Variants in SLC25A28 observed in about 807,000 individuals in gnomAD.
SLC25A28 encodes the protein mitoferrin-2.
SLC25A28 carries 10 observed loss-of-function variants against 31.9 expected under a neutral mutation model. The ratio of observed to expected loss-of-function variants is 0.31; its 90% CI spans 0.19 to 0.53. The LOEUF is 0.53. SLC25A28 is among the 20% of genes least tolerant of loss of function. The pLI is 0.95. For missense variants in SLC25A28, 256 were observed against 490.3 expected, an observed-to-expected ratio of 0.52 and a Z score of 4.51; for synonymous variants, 208 against 203.6, an observed-to-expected ratio of 1.02 and a Z score of -0.19.
rs749018771 is a variant in SLC25A28 at position 99,611,116 on chromosome 10, G to A, written c.828C>T (p.Ala276=). The A allele has an allele frequency of 2.2e-5, 35 of 1,614,062 alleles. No individual in the cohort carries two copies. The highest frequency in any genetic ancestry group is 1.6e-4 in the South Asian group (15 of 91,084). The change falls in exon 4 of 4, where the codon GCC becomes GCT. Residue 276 remains alanine, a synonymous_variant. Transcript: ENST00000370495. This position sits in a 1 kb window ranked among gnomAD's most constrained non-coding sequence, Gnocchi z 5.5. ...AAACGTCCAGTGGGGTTGTGGCTGCGGCAGCTACAGCTCCTGCGCAAGCTC... is the reference window on the plus strand; with the variant it reads ...AAACGTCCAGTGGGGTTGTGGCTGCAGCAGCTACAGCTCCTGCGCAAGCTC... ...LSGACAGAVA[A]AATTPLDVCK... is the part of the protein sequence containing the mutation.
Position 99,611,323 on chromosome 10 carries a change from C to T in SLC25A28, c.621G>A (p.Arg207=). 1 of 1,614,056 alleles carries T rather than the reference C, an allele frequency of 6.2e-7. No individual in the cohort carries two copies. Among genetic ancestry groups the T allele is most frequent in the Non-Finnish European group, 8.5e-7 (1 of 1,180,022 alleles). ...RMQMYNSPYH[R]VTDCVRAVWQ... is the part of the protein sequence containing the mutation. ...ACACTGCCCGTACACAGTCTGTCAC[C>T]CGGTGGTATGGTGAGTTGTACATCT... is the stretch of plus-strand genomic sequence containing the variant. The change falls in exon 4 of 4, where the codon CGG becomes CGA. Residue 207 remains arginine, a synonymous_variant. Transcript: ENST00000370495. The surrounding 1 kb of genome is among the most constrained non-coding windows in gnomAD (Gnocchi z 5.5).
chr10:99,651,306 CTAA>C, the SLC25A28 span, among the ~76,000 whole-genome samples: 2 of 152,278 alleles, frequency 1.3e-5, no homozygotes, highest in South Asian at 4.2e-4. Context: ...TTGCATTGCT[CTAA>C]TGACTAATGA....
chr10:99,635,220 A>G, the SLC25A28 span, among the ~76,000 whole-genome samples: 2 of 152,216 alleles, frequency 1.3e-5, no homozygotes, highest in Non-Finnish European at 2.9e-5. Flanking sequence ...CACAGGACCT[A>G]TGAAACAAAA....
At chr10:99,627,079 A>G in the SLC25A28 span, among the ~76,000 whole-genome samples, 1 of 152,092 alleles carries the variant, frequency 6.6e-6, no homozygotes, top group Non-Finnish European at 1.5e-5. Flanking sequence ...TGTCTGTACT[A>G]AAAATGCAAA....
upstream of SLC25A28, chr10:99,622,675 A>G: frequency 1.0e-6 from 1 of 985,446 alleles, no homozygotes; most frequent in Non-Finnish European, 1.2e-6. Context: ...TCTACCTTTT[A>G]GACATCTCAG....
At chr10:99,622,662 C>A (rs1458491251), upstream of SLC25A28, 1 of 985,272 alleles carries the variant, frequency 1.0e-6, no homozygotes, top group Non-Finnish European at 1.2e-6. Flanking sequence ...CTTCAGAAAC[C>A]ACTCTACCTT....
chr10:99,628,875 G>A, the SLC25A28 span, among the ~76,000 whole-genome samples: 1 of 152,192 alleles, frequency 6.6e-6, no homozygotes, highest in Admixed American at 6.5e-5. Flanking sequence ...ACAACCATTA[G>A]CAAGAAAATA....
At position 99,616,819 on chromosome 10, in the gene SLC25A28, G is replaced by A. The variant is rs1224693019; in HGVS notation, c.292-2895C>T. On this transcript the variant is annotated intron_variant, in intron 1 of 3. Coordinates refer to ENST00000370495, the MANE Select transcript of SLC25A28 (RefSeq NM_031212.4). Reference sequence around the variant, plus strand: ...TGGACAAGTTATATAACTTCCCTAAGCCTCCTTTCAACTGTAAAATAATGA... The same window carrying A: ...TGGACAAGTTATATAACTTCCCTAAACCTCCTTTCAACTGTAAAATAATGA... The A allele has an allele frequency of 1.6e-5, 15 of 926,210 alleles. No homozygotes were observed. The South Asian group carries it at 2.0e-4, about 12-fold the overall frequency. 57.4% of individuals were successfully genotyped at this position (926,210 alleles called of 1,614,324 possible). A position where few individuals can be genotyped will look rare whatever the true frequency, so the allele number is the denominator to read the frequency against.
At chr10:99,642,904 T>G in the SLC25A28 span, among the ~76,000 whole-genome samples, 17 of 152,356 alleles carry the variant, frequency 1.1e-4, no homozygotes, top group African/African-American at 3.8e-4. Flanking sequence ...CCTTGCATCC[T>G]AGGGATGAAG....
At chr10:99,634,186 C>T in the SLC25A28 span, among the ~76,000 whole-genome samples, 1 of 152,150 alleles carries the variant, frequency 6.6e-6, no homozygotes, top group Non-Finnish European at 1.5e-5. Context: ...GCAGAGCCTA[C>T]CCAAATGGAA....
At chr10:99,621,638 GCGTCTTCTTCCATT>G (rs2034797417), upstream of SLC25A28, 1 of 152,364 alleles carries the variant, frequency 6.6e-6, no homozygotes, top group African/African-American at 2.4e-5. Flanking sequence ...GGGAGCACGG[GCGTCTTCTTCCATT>G]TGCCTTCCCC....
chr10:99,647,505 G>A, the SLC25A28 span, among the ~76,000 whole-genome samples: 15 of 152,082 alleles, frequency 9.9e-5, no homozygotes. Flanking sequence ...TTTTTAATGG[G>A]ATTATTTGCT....
the SLC25A28 span, among the ~76,000 whole-genome samples, chr10:99,654,531 G>A: frequency 2.0e-4 from 31 of 152,050 alleles, no homozygotes; most frequent in Non-Finnish European, 3.4e-4. Context: ...GTGTGGTGAC[G>A]TGTGCCTGTA....
At chr10:99,617,705 G>A (rs749383772) in intron 1 of SLC25A28, 117 of 985,298 alleles carry the variant, frequency 1.2e-4, no homozygotes, top group Non-Finnish European at 1.4e-4. Flanking sequence ...AAGTGCAAGT[G>A]AAAATGAGCC....
At chr10:99,627,826 A>T in the SLC25A28 span, among the ~76,000 whole-genome samples, 2 of 151,670 alleles carry the variant, frequency 1.3e-5, no homozygotes, top group African/African-American at 4.8e-5. Flanking sequence ...GGTCTTATTC[A>T]TTCTTTCAAT....
chr10:99,623,283 A>G (rs934843081), upstream of SLC25A28, among the ~76,000 whole-genome samples: 1 of 152,186 alleles, frequency 6.6e-6, no homozygotes, highest in Non-Finnish European at 1.5e-5. Flanking sequence ...ACGAAGTTGG[A>G]AAGATAAACA....
At chr10:99,657,442 G>A in the SLC25A28 span, among the ~76,000 whole-genome samples, 4 of 152,072 alleles carry the variant, frequency 2.6e-5, no homozygotes, top group African/African-American at 4.8e-5. Context: ...TATTCAATGT[G>A]GTTTCTGGGG....
At chr10:99,634,772 C>T in the SLC25A28 span, among the ~76,000 whole-genome samples, 2 of 152,072 alleles carry the variant, frequency 1.3e-5, no homozygotes, top group African/African-American at 4.8e-5. Context: ...CCTAGACATC[C>T]AAATACAAGA....
chr10:99,641,989 G>C, the SLC25A28 span, among the ~76,000 whole-genome samples: 2 of 152,120 alleles, frequency 1.3e-5, no homozygotes, highest in Admixed American at 6.5e-5. Flanking sequence ...ATAGTTTGAA[G>C]TCAGGTAGCA....
Sources: gnomAD v4.1 joint callset for allele counts (sites outside exome capture counted in the v4.1 genomes callset) on GRCh38, gnomAD v4.1.1 for gene constraint, Gnocchi (gnomAD v3.1) non-coding constraint, MANE v1.5 for transcripts, NCBI Gene and HGNC (gene_info 2026-07-23, HGNC 2026-07-21) for gene names.